COL15A1: variants seen among roughly 807,000 people sequenced by gnomAD.
COL15A1 encodes collagen type XV alpha 1 chain.
Under a neutral mutation model 165.9 loss-of-function variants are expected in COL15A1, and 111 were observed. The ratio of observed to expected loss-of-function variants is 0.67; its 90% CI spans 0.57 to 0.78. The LOEUF (loss-of-function observed/expected upper bound fraction) is 0.78, where lower values mean the gene tolerates loss of function less well. COL15A1 is among the 30% of genes least tolerant of loss of function. The pLI is 0.00. For synonymous variants in COL15A1, 659 were observed against 674.8 expected (o/e 0.98, Z 0.36); for missense variants, 1,745 against 1,789.7 (o/e 0.98, Z 0.45).
intron 36 of COL15A1, among the ~76,000 whole-genome samples, chr9:99,061,717 ATAT>A (rs1163949903): frequency 6.6e-6 from 1 of 152,214 alleles, no homozygotes; most frequent in Non-Finnish European, 1.5e-5. Context: ...TACTCACATA[ATAT>A]TGTCATTTTT....
At chr9:98,964,741 A>C (rs1291443223) in intron 2 of COL15A1, among the ~76,000 whole-genome samples, 2 of 152,202 alleles carry the variant, frequency 1.3e-5, no homozygotes, top group Admixed American at 6.5e-5. Flanking sequence ...AGTGGGGGGA[A>C]TACAACATGC....
chr9:99,018,944 A>G (rs1285845398), intron 11 of COL15A1, among the ~76,000 whole-genome samples: 1 of 152,158 alleles, frequency 6.6e-6, no homozygotes, highest in Admixed American at 6.6e-5. Flanking sequence ...TACAATTTTT[A>G]TGATAGATTT....
At chr9:99,045,142 A>C (rs1475017458) in intron 26 of COL15A1, among the ~76,000 whole-genome samples, 1 of 152,128 alleles carries the variant, frequency 6.6e-6, no homozygotes, top group East Asian at 1.9e-4. Flanking sequence ...AAAGATAATA[A>C]ACATCACTTC....
At chr9:98,991,219 C>T (rs979692738) in intron 5 of COL15A1, among the ~76,000 whole-genome samples, 4 of 151,594 alleles carry the variant, frequency 2.6e-5, no homozygotes, top group Non-Finnish European at 5.9e-5. Context: ...ACCAAGTTGC[C>T]GCTGCTCACT....
intron 30 of COL15A1, among the ~76,000 whole-genome samples, chr9:99,050,929 C>A (rs1483190838): frequency 6.6e-6 from 1 of 152,240 alleles, no homozygotes; most frequent in Non-Finnish European, 1.5e-5. Context: ...GGCCTGGGAA[C>A]TCTGGCCTAG....
intron 16 of COL15A1, among the ~76,000 whole-genome samples, chr9:99,027,043 C>G (rs570722466): frequency 6.6e-6 from 1 of 152,186 alleles, no homozygotes; most frequent in Admixed American, 6.5e-5. Flanking sequence ...GTAAGCTGGT[C>G]CTGCCTCCTG....
intron 5 of COL15A1, among the ~76,000 whole-genome samples, chr9:98,996,116 A>G (rs778130295): frequency 4.6e-5 from 7 of 152,270 alleles, no homozygotes; most frequent in Non-Finnish European, 8.8e-5. Flanking sequence ...TAGTCAGGAA[A>G]GGTAAGTGAT....
chr9:99,040,719 A>G (rs1313193340), intron 23 of COL15A1, 163 bp downstream of exon 23: 8 of 1,309,248 alleles, frequency 6.1e-6, no homozygotes, highest in South Asian at 5.6e-5. Context: ...GGGTTTTGCC[A>G]TGTTGCCCAG....
chr9:98,944,078 A>T lies in COL15A1; in HGVS notation c.11+6A>T, dbSNP rs954312763. On this transcript the variant is annotated splice_donor_region_variant and intron_variant, in intron 1 of 41. Coordinates refer to ENST00000375001, the MANE Select transcript of COL15A1 (RefSeq NM_001855.5). ...ACCCGCGAGATGGCACCAAGGTAAG[A>T]CCCGCTTCTCTGCTTCCTCGCGTCC... 6.2e-7 allele frequency: 1 copy of T among 1,613,902 alleles called. No individual in the cohort carries two copies. Among genetic ancestry groups the T allele is most frequent in the Non-Finnish European group, 8.5e-7 (1 of 1,179,932 alleles).
chr9:98,982,559 G>A (rs1838249491), intron 2 of COL15A1, among the ~76,000 whole-genome samples: 1 of 152,080 alleles, frequency 6.6e-6, no homozygotes, highest in Non-Finnish European at 1.5e-5. Context: ...AGATAGAGTT[G>A]TGTCAGGTGA....
rs772284930 is a variant in COL15A1 at position 99,066,886 on chromosome 9, A to G, written c.3656A>G (p.His1219Arg). 4 of 1,612,282 alleles carry G rather than the reference A, an allele frequency of 2.5e-6. No individual in the cohort carries two copies. The highest frequency in any genetic ancestry group is 2.2e-5 in the South Asian group (2 of 90,834). The change falls in exon 40 of 42, where the codon CAT (histidine) becomes CGT (arginine). Residue 1219 changes from histidine (H) to arginine (R), a missense_variant. His to Arg is a conservative substitution (Grantham distance 29). Transcript: ENST00000375001. Reference protein sequence around the residue: ...SSANYEKPALHLAALNMPFSG... With the variant: ...SSANYEKPALRLAALNMPFSG... ...CTTTTGTCTCACATTTTTCAGCTGC[A>G]TTTGGCTGCTCTGAACATGCCATTT...
chr9:99,047,438 G>A (rs1472098885), intron 26 of COL15A1, among the ~76,000 whole-genome samples: 1 of 152,238 alleles, frequency 6.6e-6, no homozygotes, highest in Non-Finnish European at 1.5e-5. Flanking sequence ...AGAGGTCCAT[G>A]TTCTGGGCTG....
chr9:99,001,406 G>T (rs1838652463), intron 7 of COL15A1, among the ~76,000 whole-genome samples: 1 of 152,098 alleles, frequency 6.6e-6, no homozygotes. Flanking sequence ...AGCATAAATA[G>T]TTTTCTCACA....
chr9:99,049,189 A>G (rs1839542753), intron 28 of COL15A1, among the ~76,000 whole-genome samples: 1 of 152,218 alleles, frequency 6.6e-6, no homozygotes, highest in East Asian at 1.9e-4. Context: ...TACTAAGGCC[A>G]AGCTGGCTTC....
intron 2 of COL15A1, 132 bp downstream of exon 2, chr9:98,944,382 A>G (rs1163651857): frequency 1.1e-6 from 1 of 919,942 alleles, no homozygotes; most frequent in Non-Finnish European, 1.7e-6. Context: ...CTCAGTGCGC[A>G]CTGGCGGTCC....
At position 99,049,805 on chromosome 9, in the gene COL15A1, G is replaced by T. The variant is rs201440283; in HGVS notation, c.2862+47G>T. 177 of 1,614,242 alleles carry T rather than the reference G, an allele frequency of 1.1e-4. No homozygotes were observed. The East Asian group carries it at 3.5e-3, about 31-fold the overall frequency. ...AGACCTTCCCGATTGGCCTAAGCTG[G>T]AGTCAGGTGTCCTGTTGACCTCACC... On this transcript the variant is annotated intron_variant, in intron 29 of 41. Coordinates refer to ENST00000375001, the MANE Select transcript of COL15A1 (RefSeq NM_001855.5).
intron 39 of COL15A1, among the ~76,000 whole-genome samples, chr9:99,065,759 G>A (rs1588541679): frequency 6.6e-6 from 1 of 150,686 alleles, no homozygotes; most frequent in Non-Finnish European, 1.5e-5. Context: ...TCTGCAGGAA[G>A]GAAAGGGGTG....
chr9:98,987,827 G>T (rs371530989), intron 4 of COL15A1, among the ~76,000 whole-genome samples: 6 of 152,204 alleles, frequency 3.9e-5, no homozygotes, highest in South Asian at 2.1e-4. Flanking sequence ...CTGAGCACCT[G>T]CTGGGTGCCA....
intron 5 of COL15A1, among the ~76,000 whole-genome samples, chr9:98,990,494 C>T (rs1400206500): frequency 6.6e-6 from 1 of 152,230 alleles, no homozygotes; most frequent in Admixed American, 6.5e-5. Flanking sequence ...CCTTGGCCAT[C>T]CCACAGGCAT....
Sources: allele counts gnomAD v4.1 joint callset (sites outside exome capture counted in the v4.1 genomes callset), GRCh38; gene constraint gnomAD v4.1.1; transcripts MANE v1.5; gene names NCBI Gene and HGNC (gene_info 2026-07-23, HGNC 2026-07-21).